STIP1: variants seen among roughly 807,000 people sequenced by gnomAD.
The protein encoded by STIP1 is stress-induced-phosphoprotein 1.
Under a neutral mutation model 77.4 loss-of-function variants are expected in STIP1, and 16 were observed. The ratio of observed to expected loss-of-function variants is 0.21; its 90% CI spans 0.14 to 0.31. STIP1 has a LOEUF of 0.31. Among genes scored for constraint, STIP1 ranks in the 10% least tolerant of loss-of-function variants. The pLI, the probability that STIP1 is intolerant of heterozygous loss-of-function variation, is 1.00. For synonymous variants in STIP1, 258 were observed against 246.6 expected (o/e 1.05, Z -0.44); for missense variants, 524 against 684.8 (o/e 0.77, Z 2.62).
chr11:64,198,753 G>GTTTTTTTTT (rs371481270), intron 8 of STIP1, among the ~76,000 whole-genome samples: 1 of 111,056 alleles, frequency 9.0e-6, no homozygotes, highest in Non-Finnish European at 1.8e-5. Context: ...TTTTTTTGTG[G>GTTTTTTTTT]TTTTTTTTTT....
chr11:64,199,652 C>T (rs1295887352), intron 8 of STIP1, among the ~76,000 whole-genome samples: 1 of 149,994 alleles, frequency 6.7e-6, no homozygotes, highest in African/African-American at 2.5e-5. Context: ...AAGCTTCCGC[C>T]TCCCGGGTTC....
Position 64,200,047 on chromosome 11 carries a change from CA to C in STIP1, c.1120+12del, listed in dbSNP as rs1263470361. 1 of 1,614,186 alleles carries C rather than the reference CA, an allele frequency of 6.2e-7. No homozygotes were observed. Among genetic ancestry groups the C allele is most frequent in the South Asian group, 1.1e-5 (1 of 91,084 alleles). On this transcript the variant is annotated intron_variant, in intron 9 of 13. Coordinates refer to ENST00000305218, the MANE Select transcript of STIP1 (RefSeq NM_006819.3). ...AGTGTTTTCAGAAAGGTACTGCCTG[CA>C]GCTGGGGGATTGGGGGAGCAGTGCT...
intron 1 of STIP1, 39 bp downstream of exon 1, chr11:64,186,309 C>G (rs1255954967): frequency 4.1e-4 from 113 of 275,432 alleles, no homozygotes; most frequent in Non-Finnish European, 6.4e-4. Flanking sequence ...CGAGCCTGCT[C>G]GGGGACCGGC....
At chr11:64,198,062 CTTTTT>C in intron 8 of STIP1, 88 bp downstream of exon 8, 1 of 1,299,686 alleles carries the variant, frequency 7.7e-7, no homozygotes, top group South Asian at 1.6e-5. Context: ...ATGAACTTGA[CTTTTT>C]TTTTTTTTTG....
At chr11:64,203,256 C>G (rs754981224) in intron 12 of STIP1, 28 bp downstream of exon 12, 10 of 1,610,862 alleles carry the variant, frequency 6.2e-6, no homozygotes, top group South Asian at 1.1e-5. Context: ...CTCCAGGGGC[C>G]CCCCCTGCCT....
chr11:64,185,831 T>G, upstream of STIP1: 1 of 1,535,812 alleles, frequency 6.5e-7, no homozygotes, highest in Admixed American at 2.0e-5. Flanking sequence ...CGACATGGAG[T>G]CCGGCAGCCC....
intron 1 of STIP1, among the ~76,000 whole-genome samples, chr11:64,188,073 G>C (rs1265894196): frequency 6.8e-6 from 1 of 146,374 alleles, no homozygotes; most frequent in South Asian, 2.2e-4. Context: ...TCGGCTGGGC[G>C]CAGTGGCTCA....
chr11:64,199,519 G>A (rs1273873225), intron 8 of STIP1, among the ~76,000 whole-genome samples: 88 of 127,006 alleles, frequency 6.9e-4, no homozygotes, highest in African/African-American at 2.2e-3. Flanking sequence ...AAAAAAAAAA[G>A]AAAAAAATCT....
chr11:64,204,079 C>T lies in STIP1; in HGVS notation c.1585C>T (p.Gln529Ter). 6.2e-7 allele frequency: 1 copy of T among 1,614,172 alleles called. No individual in the cohort carries two copies. The highest frequency in any genetic ancestry group is 8.5e-7 in the Non-Finnish European group (1 of 1,180,040). ...SEHLKNPVIA[Q>*]KIQKLMDVGL... ...ACACTTAAAGAATCCTGTAATAGCA[C>T]AGAAGATCCAGAAGCTGATGGATGT... The change falls in exon 14 of 14, where the codon CAG (glutamine) becomes TAG (stop). Residue 529 changes from glutamine (Q) to a stop codon, truncating the protein, a stop_gained. Coordinates refer to ENST00000305218, the MANE Select transcript of STIP1 (RefSeq NM_006819.3). LOFTEE classifies it high-confidence loss of function.
Position 64,188,269 on chromosome 11 carries a change from G to A in STIP1, c.9+1999G>A, listed in dbSNP as rs1016349211. Among the ~76,000 whole-genome samples, 14 of 151,292 alleles carry A rather than the reference G, an allele frequency of 9.3e-5. No individual in the cohort carries two copies. The East Asian group carries it at 2.3e-3, about 25-fold the overall frequency. ...TGAGATAGGAGAATTGCTTCAACCCGGGAGGCGTAGGTTGCAGTGAGCTGT... is the reference window on the plus strand; with the variant it reads ...TGAGATAGGAGAATTGCTTCAACCCAGGAGGCGTAGGTTGCAGTGAGCTGT... On this transcript the variant is annotated intron_variant, in intron 1 of 13. Coordinates refer to ENST00000305218, the MANE Select transcript of STIP1 (RefSeq NM_006819.3).
intron 13 of STIP1, 120 bp downstream of exon 13, chr11:64,203,742 C>T: frequency 2.2e-6 from 3 of 1,371,748 alleles, no homozygotes; most frequent in Non-Finnish European, 2.0e-6. Context: ...GTCATTCTTC[C>T]TAAACTTAAG....
At chr11:64,197,459 C>T (rs1565281319) in intron 6 of STIP1, 34 bp from the exon 7 acceptor site, 2 of 1,614,010 alleles carry the variant, frequency 1.2e-6, no homozygotes, top group East Asian at 2.2e-5. Context: ...GAAGCAAAGA[C>T]TGACTGTTCC....
chr11:64,194,514 C>G lies in STIP1; in HGVS notation c.397C>G (p.Leu133Val), dbSNP rs759065392. 3.1e-6 allele frequency: 5 copies of G among 1,614,188 alleles called. No individual in the cohort carries two copies. In the South Asian group the frequency reaches 4.4e-5, roughly 14 times the overall value. The change falls in exon 4 of 14, where the codon CTG becomes GTG. Residue 133 changes from leucine (L) to valine (V), a missense_variant. By Grantham distance (32) the Leu-to-Val change is conservative. Coordinates refer to ENST00000305218, the MANE Select transcript of STIP1 (RefSeq NM_006819.3). ...KFMNPFNMPN[L>V]YQKLESDPRT... ...CATGAACCCTTTCAACATGCCTAAT[C>G]TGTATCAGAAGTTGGAGAGTGATCC...
At position 64,199,948 on chromosome 11, in the gene STIP1, A is replaced by G. The variant is rs1398642167; in HGVS notation, c.1032A>G (p.Lys344=). 4 of 1,614,130 alleles carry G rather than the reference A, an allele frequency of 2.5e-6. No individual in the cohort carries two copies. The South Asian group carries it at 3.3e-5, about 13-fold the overall frequency. Residue 344 remains lysine (K), a synonymous_variant, in exon 9 of 14, where the codon AAA becomes AAG. Transcript: ENST00000305218. ...DVLKKCQQAE[K]ILKEQERLAY... ...AGAATTATGTTTTGTAGGCAGAGAA[A>G]ATCCTGAAGGAGCAAGAGCGGCTGG...
Position 64,194,556 on chromosome 11 carries a change from C to T in STIP1, c.439C>T (p.Leu147Phe). 6.2e-7 allele frequency: 1 copy of T among 1,614,182 alleles called. No individual in the cohort carries two copies. The highest frequency in any genetic ancestry group is 8.5e-7 in the Non-Finnish European group (1 of 1,180,040). The change falls in exon 4 of 14, where the codon CTC becomes TTC. Residue 147 changes from leucine to phenylalanine, a missense_variant. Transcript: ENST00000305218. ...LESDPRTRTL[L>F]SDPTYRELIE... The stretch of plus-strand genomic sequence containing the variant: ...GAGTGATCCCAGGACAAGGACACTA[C>T]TCAGTGATCCTACCTACCGGGAGCT...
chr11:64,188,906 G>A (rs936059215), intron 1 of STIP1, among the ~76,000 whole-genome samples: 3 of 152,176 alleles, frequency 2.0e-5, no homozygotes, highest in African/African-American at 7.2e-5. Context: ...TGTGAGGTTT[G>A]TATTTCAGTT....
intron 5 of STIP1, among the ~76,000 whole-genome samples, chr11:64,196,395 CAAAAAAA>C (rs57497154): frequency 1.3e-4 from 9 of 69,600 alleles, no homozygotes; most frequent in African/African-American, 5.4e-4. Flanking sequence ...GACTCCATCT[CAAAAAAA>C]AAAAAAAAAA....
rs1451639344 is a variant in STIP1 at position 64,193,276 on chromosome 11, G to C, written c.208G>C (p.Asp70His). 6.2e-7 allele frequency: 1 copy of C among 1,614,196 alleles called. No individual in the cohort carries two copies. Among genetic ancestry groups the C allele is most frequent in the East Asian group, 2.2e-5 (1 of 44,878 alleles). The change falls in exon 2 of 14, where the codon GAC (aspartate) becomes CAC (histidine). Residue 70 changes from aspartate to histidine, a missense_variant. Coordinates refer to ENST00000305218, the MANE Select transcript of STIP1 (RefSeq NM_006819.3). ...CTGCAAGACTGTCGACCTAAAGCCT[G>C]ACTGGGGCAAGGTCAGCTGTGGGCA... ...DGCKTVDLKPDWGKGYSRKAA... is the reference protein window; with the variant it reads ...DGCKTVDLKPHWGKGYSRKAA...
intron 8 of STIP1, among the ~76,000 whole-genome samples, chr11:64,199,245 C>T (rs1278493547): frequency 1.3e-5 from 2 of 149,544 alleles, no homozygotes; most frequent in Non-Finnish European, 3.0e-5. Context: ...TGGCTCACGC[C>T]TGCGATCCCA....
Sources: allele counts gnomAD v4.1 joint callset (sites outside exome capture counted in the v4.1 genomes callset), GRCh38; gene constraint gnomAD v4.1.1; transcripts MANE v1.5; gene names NCBI Gene and HGNC (gene_info 2026-07-23, HGNC 2026-07-21).